The following HYCC1 variants were observed in gnomAD, a reference collection of about 807,000 sequenced individuals.
The protein encoded by HYCC1 is hyccin.
chr7:22,998,182 G>A, the HYCC1 span, among the ~76,000 whole-genome samples: 1 of 152,168 alleles, frequency 6.6e-6, no homozygotes, highest in Non-Finnish European at 1.5e-5. Flanking sequence ...AAGTTAGGAA[G>A]AACTATTTTT....
chr7:22,937,868 G>C, the HYCC1 span: 1 of 152,296 alleles, frequency 6.6e-6, no homozygotes, highest in African/African-American at 2.4e-5. Flanking sequence ...AAATCTTTGC[G>C]ATCTTCAGCA....
the HYCC1 span, among the ~76,000 whole-genome samples, chr7:22,990,622 CT>C: frequency 2.6e-5 from 4 of 152,152 alleles, no homozygotes; most frequent in Admixed American, 6.5e-5. Context: ...TCATACACCC[CT>C]TATATAGCCA....
chr7:22,900,447 A>G, the HYCC1 span, among the ~76,000 whole-genome samples: 8 of 152,348 alleles, frequency 5.3e-5, no homozygotes, highest in Admixed American at 3.9e-4. Flanking sequence ...CTATCCATGG[A>G]CAATGGTTGG....
the HYCC1 span, among the ~76,000 whole-genome samples, chr7:22,924,257 G>A: frequency 2.6e-5 from 4 of 151,884 alleles, no homozygotes; most frequent in African/African-American, 4.8e-5. Flanking sequence ...CAGCATGAGC[G>A]ATGCAGAAGA....
chr7:22,946,894 T>G, the HYCC1 span: 1 of 1,433,154 alleles, frequency 7.0e-7, no homozygotes, highest in South Asian at 1.4e-5. Context: ...CATGCAAAAT[T>G]TTTGTGACTG....
the HYCC1 span, chr7:22,943,919 T>C: frequency 5.2e-5 from 8 of 152,454 alleles, no homozygotes. Flanking sequence ...AAATCCACAT[T>C]GTAAACAGGG....
chr7:22,909,609 T>G, the HYCC1 span, among the ~76,000 whole-genome samples: 1 of 152,218 alleles, frequency 6.6e-6, no homozygotes, highest in African/African-American at 2.4e-5. Flanking sequence ...TAGCGGGTTA[T>G]TAACCCTAAA....
chr7:22,897,746 C>G, the HYCC1 span, among the ~76,000 whole-genome samples: 13 of 151,954 alleles, frequency 8.6e-5, no homozygotes, highest in Admixed American at 7.9e-4. Context: ...GCTGAGGCTA[C>G]AGGTGCTCGC....
At chr7:22,938,153 A>T in the HYCC1 span, 1 of 152,186 alleles carries the variant, frequency 6.6e-6, no homozygotes, top group Non-Finnish European at 1.5e-5. Flanking sequence ...AGCAAATAAA[A>T]ACAAGAACAA....
the HYCC1 span, among the ~76,000 whole-genome samples, chr7:22,965,067 G>A: frequency 1.3e-5 from 2 of 151,586 alleles, no homozygotes; most frequent in Non-Finnish European, 2.9e-5. Flanking sequence ...CTGGGAGGTG[G>A]AGGTTGCAGT....
At chr7:22,985,535 G>C in the HYCC1 span, 1 of 152,060 alleles carries the variant, frequency 6.6e-6, no homozygotes, top group East Asian at 1.9e-4. Flanking sequence ...TTTAATAAGA[G>C]AGTTTTATTT....
At chr7:22,927,512 A>C in the HYCC1 span, among the ~76,000 whole-genome samples, 1 of 152,222 alleles carries the variant, frequency 6.6e-6, no homozygotes, top group Non-Finnish European at 1.5e-5. Context: ...TATCACCACC[A>C]ATCCCACAGA....
chr7:23,000,098 T>G, the HYCC1 span, among the ~76,000 whole-genome samples: 8 of 152,232 alleles, frequency 5.3e-5, no homozygotes, highest in East Asian at 1.5e-3. Flanking sequence ...ATATTTTTCT[T>G]TACGGGAGAT....
At chr7:22,945,177 T>G in the HYCC1 span, 1 of 254,660 alleles carries the variant, frequency 3.9e-6, no homozygotes, top group South Asian at 5.0e-5. Flanking sequence ...CAGACTCCCT[T>G]TGACTCTGAA....
chr7:22,931,125 A>G, the HYCC1 span, among the ~76,000 whole-genome samples: 1 of 152,034 alleles, frequency 6.6e-6, no homozygotes, highest in Admixed American at 6.6e-5. Flanking sequence ...ATATAGGATT[A>G]AGATACGCCC....
the HYCC1 span, among the ~76,000 whole-genome samples, chr7:22,954,447 T>A: frequency 6.6e-6 from 1 of 151,240 alleles, no homozygotes; most frequent in South Asian, 2.1e-4. Context: ...AACCACTGAA[T>A]AAGCAAATTA....
chr7:22,961,284 T>C, the HYCC1 span: 2 of 1,607,474 alleles, frequency 1.2e-6, no homozygotes, highest in Non-Finnish European at 1.7e-6. Context: ...TATAATATCA[T>C]CCAGTGCTTT....
At chr7:22,919,477 C>T in the HYCC1 span, among the ~76,000 whole-genome samples, 1 of 151,326 alleles carries the variant, frequency 6.6e-6, no homozygotes, top group Admixed American at 6.6e-5. Context: ...TGTAGTGAGC[C>T]GAGATCACAC....
the HYCC1 span, among the ~76,000 whole-genome samples, chr7:22,955,010 C>T: frequency 2.6e-5 from 4 of 151,384 alleles, no homozygotes; most frequent in Admixed American, 2.0e-4. Flanking sequence ...GGGATTGAAA[C>T]AATAACAACA....
Sources: gnomAD v4.1 joint callset for allele counts (sites outside exome capture counted in the v4.1 genomes callset) on GRCh38, gnomAD v4.1.1 for gene constraint, MANE v1.5 for transcripts, NCBI Gene and HGNC (gene_info 2026-07-23, HGNC 2026-07-21) for gene names.